CATSPERT: variants seen among roughly 807,000 people sequenced by gnomAD.
CATSPERT encodes catsper channel auxiliary subunit tau.
chr2:201,536,458 T>A, the CATSPERT span: 1 of 1,128,304 alleles, frequency 8.9e-7, no homozygotes, highest in Non-Finnish European at 1.2e-6. Context: ...TTGTAAATTT[T>A]AATTCCTTAG....
the CATSPERT span, among the ~76,000 whole-genome samples, chr2:201,614,211 C>T: frequency 1.3e-5 from 2 of 152,118 alleles, no homozygotes; most frequent in Non-Finnish European, 2.9e-5. Flanking sequence ...ACAGAGAATG[C>T]CACAAAGATA....
chr2:201,515,211 T>TAG, the CATSPERT span, among the ~76,000 whole-genome samples: 5 of 21,454 alleles, frequency 2.3e-4, 1 homozygote, highest in Admixed American at 1.4e-3. Context: ...AGTTTTTTTT[T>TAG]TTTTTTTTTT....
the CATSPERT span, among the ~76,000 whole-genome samples, chr2:201,510,110 A>T: frequency 1.3e-5 from 2 of 150,648 alleles, no homozygotes; most frequent in Non-Finnish European, 2.9e-5. Context: ...TTTTACAGGC[A>T]TTCTCTCTTC....
At chr2:201,565,304 CAA>C in the CATSPERT span, among the ~76,000 whole-genome samples, 80 of 144,234 alleles carry the variant, frequency 5.5e-4, no homozygotes, top group Non-Finnish European at 6.2e-4. Context: ...GGCCTCGTCT[CAA>C]AAAAAAAAAA....
At chr2:201,577,613 T>G in the CATSPERT span, among the ~76,000 whole-genome samples, 318 of 152,328 alleles carry the variant, frequency 2.1e-3, no homozygotes, top group African/African-American at 7.2e-3. Context: ...AGAATTTTAT[T>G]CTAAGTGAAA....
chr2:201,515,336 G>A, the CATSPERT span, among the ~76,000 whole-genome samples: 7 of 144,382 alleles, frequency 4.8e-5, no homozygotes, highest in African/African-American at 1.3e-4. Context: ...CCAGGTTCAA[G>A]CCATTCTCCT....
the CATSPERT span, among the ~76,000 whole-genome samples, chr2:201,504,377 C>T: frequency 6.6e-6 from 1 of 152,270 alleles, no homozygotes; most frequent in Admixed American, 6.5e-5. Flanking sequence ...ATTTCTCATA[C>T]CAGAAATAGA....
chr2:201,489,786 C>T, the CATSPERT span, among the ~76,000 whole-genome samples: 1 of 152,038 alleles, frequency 6.6e-6, no homozygotes, highest in African/African-American at 2.4e-5. Context: ...AATTAAAAAT[C>T]CCTTCCATTC....
chr2:201,616,722 G>T, the CATSPERT span, among the ~76,000 whole-genome samples: 2 of 152,064 alleles, frequency 1.3e-5, no homozygotes, highest in African/African-American at 4.8e-5. Flanking sequence ...GTCAGGCAAG[G>T]GAAAGAAATA....
the CATSPERT span, among the ~76,000 whole-genome samples, chr2:201,596,547 C>CT: frequency 6.6e-6 from 1 of 152,150 alleles, no homozygotes; most frequent in Admixed American, 6.5e-5. Context: ...TGTACCAAGC[C>CT]TGCACATGTA....
the CATSPERT span, among the ~76,000 whole-genome samples, chr2:201,604,132 G>GGTGT: frequency 2.2e-5 from 3 of 138,358 alleles, no homozygotes; most frequent in Non-Finnish European, 4.7e-5. Flanking sequence ...CCCTCTGTGT[G>GGTGT]GTGTGTGTGT....
the CATSPERT span, among the ~76,000 whole-genome samples, chr2:201,533,678 A>G: frequency 1.3e-5 from 2 of 152,176 alleles, no homozygotes; most frequent in African/African-American, 4.8e-5. Context: ...GCAAGTGAGT[A>G]TATTTTGCAT....
At chr2:201,511,945 G>T in the CATSPERT span, 89 of 144,518 alleles carry the variant, frequency 6.2e-4, no homozygotes, top group African/African-American at 2.1e-3. Flanking sequence ...TGACTTGTTT[G>T]TGAAGCAATT....
the CATSPERT span, among the ~76,000 whole-genome samples, chr2:201,488,401 G>A: frequency 1.3e-5 from 2 of 152,100 alleles, no homozygotes; most frequent in Non-Finnish European, 2.9e-5. Flanking sequence ...TTTAATTTAT[G>A]TACATACAGA....
At chr2:201,581,575 T>C in the CATSPERT span, among the ~76,000 whole-genome samples, 58 of 79,254 alleles carry the variant, frequency 7.3e-4, 10 homozygotes, top group East Asian at 0.012. Context: ...TATATATATA[T>C]ATATATATAT....
chr2:201,590,197 C>T, the CATSPERT span, among the ~76,000 whole-genome samples: 640 of 133,956 alleles, frequency 4.8e-3, no homozygotes, highest in South Asian at 5.9e-3. Flanking sequence ...CATGTGTTCT[C>T]ATTGTTCAAT....
At chr2:201,609,413 A>G in the CATSPERT span, among the ~76,000 whole-genome samples, 1 of 152,218 alleles carries the variant, frequency 6.6e-6, no homozygotes, top group South Asian at 2.1e-4. Flanking sequence ...CACATGGAAA[A>G]TTCTCCATGA....
the CATSPERT span, chr2:201,547,550 A>G: frequency 6.4e-7 from 1 of 1,561,706 alleles, no homozygotes; most frequent in South Asian, 1.1e-5. Flanking sequence ...TGCTTTCTAA[A>G]TAGTTAGCTT....
chr2:201,525,995 G>T, the CATSPERT span, among the ~76,000 whole-genome samples: 1 of 152,014 alleles, frequency 6.6e-6, no homozygotes, highest in Non-Finnish European at 1.5e-5. Flanking sequence ...ATCAGAAAAA[G>T]CCCAGGACCA....
Sources: gnomAD v4.1 joint callset for allele counts (sites outside exome capture counted in the v4.1 genomes callset) on GRCh38, gnomAD v4.1.1 for gene constraint, MANE v1.5 for transcripts, NCBI Gene and HGNC (gene_info 2026-07-23, HGNC 2026-07-21) for gene names.